EIF3F: variants seen among roughly 807,000 people sequenced by gnomAD.
EIF3F encodes eukaryotic translation initiation factor 3 subunit F, also known as deubiquitinating enzyme eIF3f.
In EIF3F, 8 loss-of-function variants were observed where a neutral mutation model predicts 36.0. The observed-to-expected ratio is 0.22, with a 90% confidence interval of 0.13 to 0.40. The LOEUF (loss-of-function observed/expected upper bound fraction) is 0.40, where lower values mean the gene tolerates loss of function less well. Among genes scored for constraint, EIF3F ranks in the 10% least tolerant of loss-of-function variants. The probability of loss-of-function intolerance (pLI) is 1.00; values close to 1 mark genes in which losing one functional copy is unlikely to be tolerated. For missense variants in EIF3F, 430 were observed against 467.6 expected, an observed-to-expected ratio of 0.92 and a Z score of 0.74; for synonymous variants, 184 against 188.5, an observed-to-expected ratio of 0.98 and a Z score of 0.19.
chr11:7,989,032 C>T (rs1231051524), intron 1 of EIF3F, among the ~76,000 whole-genome samples: 1 of 152,164 alleles, frequency 6.6e-6, no homozygotes, highest in Non-Finnish European at 1.5e-5. Context: ...GTTCTCTTTG[C>T]CACAAGTGCT....
chr11:7,991,557 A>T (rs1400551526), intron 1 of EIF3F, among the ~76,000 whole-genome samples: 1 of 152,068 alleles, frequency 6.6e-6, no homozygotes, highest in Non-Finnish European at 1.5e-5. Flanking sequence ...GGAAGAATAA[A>T]CCCTATTTGG....
intron 5 of EIF3F, 43 bp downstream of exon 5, chr11:7,994,560 TTCAGGGAAGGGGGCTGC>T: frequency 6.4e-7 from 1 of 1,574,364 alleles, no homozygotes; most frequent in Non-Finnish European, 8.7e-7. Flanking sequence ...CATAGGCATT[TTCAGGGAAGGGGGCTGC>T]TAGTCTGCAA....
rs1005495434 is a variant in EIF3F, at chr11:7,999,880, C to T, written c.*3858C>T. 3 of 152,226 alleles carry T rather than the reference C, an allele frequency of 2.0e-5. No individual in the cohort carries two copies. The highest frequency in any genetic ancestry group is 4.4e-5 in the Non-Finnish European group (3 of 68,066). 9.4% of individuals were successfully genotyped at this position (152,226 alleles called of 1,614,324 possible). A position where few individuals can be genotyped will look rare whatever the true frequency, so the allele number is the denominator to read the frequency against. On this transcript the variant is annotated 3_prime_UTR_variant, in exon 8 of 8. Coordinates refer to ENST00000651655, the MANE Select transcript of EIF3F (RefSeq NM_003754.3). ...TTCACTGAAGCATTGTTCACAATCG[C>T]CAAGACATCAACCTAAGTGTCCATC...
rs767622076 is a variant in EIF3F at position 7,987,652 on chromosome 11, C to T, written c.300C>T (p.Ala100=). The change falls in exon 1 of 8, where the codon GCC becomes GCT. Residue 100 remains alanine (A), a synonymous_variant. Coordinates refer to ENST00000651655, the MANE Select transcript of EIF3F (RefSeq NM_003754.3). ...TCAGGCTGCACCCAGTCATTTTGGC[C>T]TCCATTGTGGACAGCTACGAGAGAC... The part of the protein sequence containing the change: ...RVVRLHPVIL[A]SIVDSYERRN... The T allele has an allele frequency of 6.4e-7, 1 of 1,550,970 alleles. No individual in the cohort carries two copies. The highest frequency in any genetic ancestry group is 1.4e-5 in the African/African-American group (1 of 72,518).
rs1190608325 is a variant in EIF3F at position 8,000,155 on chromosome 11, C to T, written c.*4133C>T. 5 of 151,406 alleles carry T rather than the reference C, an allele frequency of 3.3e-5. No individual in the cohort carries two copies. The highest frequency in any genetic ancestry group is 7.3e-5 in the African/African-American group (3 of 41,148). The allele number at this position is 151,406 out of a possible 1,614,324, so 9.4% of individuals were successfully genotyped here. A position where few individuals can be genotyped will look rare whatever the true frequency, so the allele number is the denominator to read the frequency against. ...TGGAGATTTCAGTGAGCTGAGATTC[C>T]GCCACTGCAGTCCAGCCTGAGCGAC... On this transcript the variant is annotated 3_prime_UTR_variant, in exon 8 of 8. Coordinates refer to ENST00000651655, the MANE Select transcript of EIF3F (RefSeq NM_003754.3).
At position 7,996,210 on chromosome 11, in the gene EIF3F, GA is replaced by G. The variant is rs1251584479; in HGVS notation, c.*192del. On this transcript the variant is annotated 3_prime_UTR_variant, in exon 8 of 8. Transcript: ENST00000651655. ...GAGTTTATTGCCGGGTGGAAGGGAG[GA>G]AAATGTTTTAGATCACACAGAAACT... 3 of 558,006 alleles carry G rather than the reference GA, an allele frequency of 5.4e-6. No homozygotes were observed. In the African/African-American group the frequency reaches 5.7e-5, roughly 11 times the overall value. 34.6% of individuals were successfully genotyped at this position (558,006 alleles called of 1,614,324 possible).
Position 7,996,730 on chromosome 11 carries a change from G to A in EIF3F, c.*708G>A, listed in dbSNP as rs1260552331. 6.6e-6 allele frequency: 1 copy of A among 152,140 alleles called. No homozygotes were observed. The highest frequency in any genetic ancestry group is 1.9e-4 in the East Asian group (1 of 5,190). The allele number at this position is 152,140 out of a possible 1,614,324, so 9.4% of individuals were successfully genotyped here. A position where few individuals can be genotyped will look rare whatever the true frequency, so the allele number is the denominator to read the frequency against. Reference sequence around the variant, plus strand: ...TAACTTCAGACATCCATTTCCTCTGGTATCCTGGAGTTCCGCCTCGCCACT... The same window carrying A: ...TAACTTCAGACATCCATTTCCTCTGATATCCTGGAGTTCCGCCTCGCCACT... On this transcript the variant is annotated 3_prime_UTR_variant, in exon 8 of 8. Transcript: ENST00000651655.
At chr11:7,994,210 A>T (rs976323912) in intron 4 of EIF3F, among the ~76,000 whole-genome samples, 1 of 152,190 alleles carries the variant, frequency 6.6e-6, no homozygotes, top group South Asian at 2.1e-4. Context: ...GCCAAATGCA[A>T]AGGCCCCCCT....
Position 7,998,583 on chromosome 11 carries a change from C to G in EIF3F, c.*2561C>G, listed in dbSNP as rs149272083. 13 of 152,194 alleles carry G rather than the reference C, an allele frequency of 8.5e-5. No homozygotes were observed. Among genetic ancestry groups the G allele is most frequent in the African/African-American group, 2.9e-4 (12 of 41,524 alleles). The allele number at this position is 152,194 out of a possible 1,614,324, so 9.4% of individuals were successfully genotyped here. On this transcript the variant is annotated 3_prime_UTR_variant, in exon 8 of 8. Coordinates refer to ENST00000651655, the MANE Select transcript of EIF3F (RefSeq NM_003754.3). ...CAAATTTTTTCACATGCTGCATGTC[C>G]GCAAATGGCTGCAAAAGCCCAGCAA...
At chr11:7,991,645 G>A in intron 1 of EIF3F, 136 bp from the exon 2 acceptor site, 1 of 837,080 alleles carries the variant, frequency 1.2e-6, no homozygotes, top group Non-Finnish European at 2.0e-6. Flanking sequence ...CGATGCACCG[G>A]ACTAAACTTG....
Position 7,999,910 on chromosome 11 carries a change from G to C in EIF3F, c.*3888G>C, listed in dbSNP as rs1942201687. On this transcript the variant is annotated 3_prime_UTR_variant, in exon 8 of 8. Transcript: ENST00000651655. The stretch of plus-strand genomic sequence containing the variant: ...ACATCAACCTAAGTGTCCATCAACA[G>C]AAGATAGATAGGGCTGAGCGCGGTG... 6.6e-6 allele frequency: 1 copy of C among 152,198 alleles called. No homozygotes were observed. Among genetic ancestry groups the C allele is most frequent in the South Asian group, 2.1e-4 (1 of 4,830 alleles). The allele number at this position is 152,198 out of a possible 1,614,324, so 9.4% of individuals were successfully genotyped here.
In EIF3F at chr11:7,998,570, C is replaced by T. The variant is rs138571582; in HGVS notation, c.*2548C>T. 2.0e-5 allele frequency: 3 copies of T among 152,342 alleles called. No individual in the cohort carries two copies. Among genetic ancestry groups the T allele is most frequent in the Non-Finnish European group, 2.9e-5 (2 of 68,046 alleles). The allele number at this position is 152,342 out of a possible 1,614,324, so 9.4% of individuals were successfully genotyped here. On this transcript the variant is annotated 3_prime_UTR_variant, in exon 8 of 8. Transcript: ENST00000651655. ...AGAGCAGGCAATTCAAATTTTTTCA[C>T]ATGCTGCATGTCCGCAAATGGCTGC... is the stretch of plus-strand genomic sequence containing the variant.
Position 7,991,793 on chromosome 11 carries a change from A to G in EIF3F, c.377A>G (p.Lys126Arg), listed in dbSNP as rs777282455. ...VIGTLLGTVD[K>R]HSVEVTNCFS... ...CTCTCTTTCACAGGAACTGTCGACAAACACTCAGTGGAGGTCACCAATTGC... is the reference window on the plus strand; with the variant it reads ...CTCTCTTTCACAGGAACTGTCGACAGACACTCAGTGGAGGTCACCAATTGC... The change falls in exon 2 of 8, where the codon AAA (lysine) becomes AGA (arginine). Residue 126 changes from lysine to arginine, a missense_variant. By Grantham distance (26) the Lys-to-Arg change is conservative. This residue lies in a region of EIF3F where 262 missense variants were observed against 347.4 expected (regional missense o/e 0.75). Coordinates refer to ENST00000651655, the MANE Select transcript of EIF3F (RefSeq NM_003754.3). The G allele has an allele frequency of 7.4e-6, 12 of 1,614,094 alleles. No homozygotes were observed. The highest frequency in any genetic ancestry group is 4.0e-5 in the African/African-American group (3 of 74,924).
At chr11:7,995,395 G>A (rs1564887463) in intron 7 of EIF3F, 28 bp downstream of exon 7, 2 of 1,570,488 alleles carry the variant, frequency 1.3e-6, no homozygotes, top group Non-Finnish European at 1.8e-6. Flanking sequence ...GCCCCTTCTT[G>A]CCTGGTTTCT....
intron 4 of EIF3F, among the ~76,000 whole-genome samples, 165 bp downstream of exon 4, chr11:7,993,189 C>G (rs1414947535): frequency 6.6e-6 from 1 of 152,162 alleles, no homozygotes; most frequent in Admixed American, 6.5e-5. Context: ...GAAACAAAAT[C>G]TGTTCCTGTA....
chr11:7,992,836 A>T (rs753419211), intron 3 of EIF3F, 51 bp from the exon 4 acceptor site: 1 of 1,611,884 alleles, frequency 6.2e-7, no homozygotes, highest in Non-Finnish European at 8.5e-7. Flanking sequence ...GTTGTGTTTG[A>T]TATTGACGCC....
chr11:7,994,395 C>G lies in EIF3F; in HGVS notation c.654-31C>G, dbSNP rs375398038. The G allele has an allele frequency of 2.5e-6, 4 of 1,598,660 alleles. No individual in the cohort carries two copies. The African/African-American group carries it at 5.4e-5, about 21-fold the overall frequency. ...AGACATGGAAACCCTCTCCCAAGGC[C>G]ATCTGTTTACTTTGGCTTCTCCTTC... On this transcript the variant is annotated intron_variant, in intron 4 of 7. Transcript: ENST00000651655.
chr11:7,987,428 G>C lies in EIF3F; in HGVS notation c.76G>C (p.Val26Leu), dbSNP rs778853342. 3.7e-6 allele frequency: 6 copies of C among 1,602,368 alleles called. No individual in the cohort carries two copies. The South Asian group carries it at 6.6e-5, about 18-fold the overall frequency. The change falls in exon 1 of 8, where the codon GTT becomes CTT. Residue 26 changes from valine (V) to leucine (L), a missense_variant. Physicochemically the swap from Val to Leu is conservative, Grantham distance 32. Coordinates refer to ENST00000651655, the MANE Select transcript of EIF3F (RefSeq NM_003754.3). The stretch of plus-strand genomic sequence containing the variant: ...AGTCCCGGCGGCGGCCCCAGCCTCA[G>C]TTCCAGCGCCAACGCCAGCACCGGC... ...TPVPAAAPAS[V>L]PAPTPAPAAA...
rs1942167218 is a variant in EIF3F at position 7,996,959 on chromosome 11, A to C, written c.*937A>C. On this transcript the variant is annotated 3_prime_UTR_variant, in exon 8 of 8. Transcript: ENST00000651655. ...ATTAGGGTATTATGAGGATTCCATG[A>C]ATTAATAAATGTCAGGTTAATCAAC... The C allele has an allele frequency of 6.6e-6, 1 of 152,220 alleles. No homozygotes were observed. Among genetic ancestry groups the C allele is most frequent in the African/African-American group, 2.4e-5 (1 of 41,468 alleles). The allele number at this position is 152,220 out of a possible 1,614,324, so 9.4% of individuals were successfully genotyped here. A position where few individuals can be genotyped will look rare whatever the true frequency, so the allele number is the denominator to read the frequency against.
Sources: gnomAD v4.1 joint callset for allele counts (sites outside exome capture counted in the v4.1 genomes callset) on GRCh38, gnomAD v4.1.1 for gene constraint, gnomAD v4.1.1 regional missense constraint, MANE v1.5 for transcripts, NCBI Gene and HGNC (gene_info 2026-07-23, HGNC 2026-07-21) for gene names.